The following PHACTR1 variants were observed in gnomAD, a reference collection of about 807,000 sequenced individuals.
PHACTR1 encodes the protein RPEL repeat containing 1.
A neutral mutation model predicts 69.2 loss-of-function variants in PHACTR1; 16 were observed. That is an observed-to-expected ratio of 0.23 (90% confidence interval 0.16 to 0.35). The LOEUF (loss-of-function observed/expected upper bound fraction) is 0.35. Ranked by LOEUF, PHACTR1 falls within the 10% of genes least tolerant of loss-of-function variation. The probability of loss-of-function intolerance (pLI) is 1.00; values close to 1 mark genes in which losing one functional copy is unlikely to be tolerated. For synonymous variants in PHACTR1, 312 were observed against 284.5 expected, an observed-to-expected ratio of 1.10 and a Z score of -0.97; for missense variants, 510 against 734.7, an observed-to-expected ratio of 0.69 and a Z score of 3.54.
At chr6:13,226,442 C>T (rs574920525) in intron 8 of PHACTR1, among the ~76,000 whole-genome samples, 2 of 152,150 alleles carry the variant, frequency 1.3e-5, no homozygotes, top group Non-Finnish European at 2.9e-5. Context: ...CCTCATGCTC[C>T]ATTTCCTTAG....
intron 13 of PHACTR1, among the ~76,000 whole-genome samples, chr6:13,285,219 G>A (rs1158621136): frequency 2.0e-5 from 3 of 152,186 alleles, no homozygotes; most frequent in African/African-American, 7.2e-5. Flanking sequence ...GGCTGTTGGG[G>A]ACAGAAGACA....
At chr6:13,105,237 A>G (rs977145998) in intron 5 of PHACTR1, among the ~76,000 whole-genome samples, 43 of 152,242 alleles carry the variant, frequency 2.8e-4, no homozygotes, top group Non-Finnish European at 5.7e-4. Context: ...AAATTAGCCG[A>G]GCATGGTGAT....
At chr6:12,845,678 C>T (rs1779190858) in intron 4 of PHACTR1, among the ~76,000 whole-genome samples, 1 of 152,130 alleles carries the variant, frequency 6.6e-6, no homozygotes. Flanking sequence ...GCTTCCTGCA[C>T]ATCTGAGTGC....
intron 4 of PHACTR1, among the ~76,000 whole-genome samples, chr6:12,820,013 A>G (rs1776024254): frequency 6.6e-6 from 1 of 152,216 alleles, no homozygotes; most frequent in Non-Finnish European, 1.5e-5. Context: ...ACACCCTAGC[A>G]GCACTTGATT....
intron 10 of PHACTR1, chr6:13,272,402 A>G (rs1041240760): frequency 3.2e-4 from 55 of 170,232 alleles, no homozygotes; most frequent in African/African-American, 1.3e-3. Context: ...ACATTCTCTC[A>G]CATGTCCCCG....
chr6:13,115,267 T>C (rs570381270), intron 5 of PHACTR1, among the ~76,000 whole-genome samples: 15 of 152,288 alleles, frequency 9.8e-5, no homozygotes, highest in African/African-American at 3.6e-4. Flanking sequence ...GACTTACATA[T>C]CTCTGATTTT....
chr6:12,871,952 ATT>A (rs5874391), intron 4 of PHACTR1, among the ~76,000 whole-genome samples: 23 of 151,112 alleles, frequency 1.5e-4, no homozygotes, highest in Middle Eastern at 3.4e-3. Flanking sequence ...CATGTGATGG[ATT>A]TTTTTTTTCC....
intron 4 of PHACTR1, among the ~76,000 whole-genome samples, chr6:12,880,333 C>A (rs1392222101): frequency 1.3e-5 from 2 of 151,564 alleles, no homozygotes; most frequent in South Asian, 2.1e-4. Flanking sequence ...CTCAAACGAT[C>A]CTCCCACTTC....
At chr6:13,145,356 T>A (rs903357868) in intron 5 of PHACTR1, among the ~76,000 whole-genome samples, 1 of 152,382 alleles carries the variant, frequency 6.6e-6, no homozygotes, top group African/African-American at 2.4e-5. Flanking sequence ...TTTCCTAAAG[T>A]AGGAGAGTGC....
Position 13,230,210 on chromosome 6 carries a change from C to G in PHACTR1, c.1391+17C>G. On this transcript the variant is annotated intron_variant, in intron 10 of 14. Coordinates refer to ENST00000332995, the MANE Select transcript of PHACTR1 (RefSeq NM_030948.6). ...GCTCACCAGGTAGGACAGCGGCACCCTCTGCCTCCCTGGCAGTGGGCCTTT... is the reference window on the plus strand; with the variant it reads ...GCTCACCAGGTAGGACAGCGGCACCGTCTGCCTCCCTGGCAGTGGGCCTTT... 3 of 1,599,400 alleles carry G rather than the reference C, an allele frequency of 1.9e-6. No individual in the cohort carries two copies. Among genetic ancestry groups the G allele is most frequent in the Non-Finnish European group, 2.6e-6 (3 of 1,173,368 alleles).
At chr6:13,011,744 A>G (rs1228147905) in intron 4 of PHACTR1, among the ~76,000 whole-genome samples, 1 of 152,254 alleles carries the variant, frequency 6.6e-6, no homozygotes, top group Non-Finnish European at 1.5e-5. Context: ...TTACGGAAAC[A>G]TGTAATTTGC....
intron 5 of PHACTR1, among the ~76,000 whole-genome samples, chr6:13,136,510 A>G (rs1439236249): frequency 6.6e-6 from 1 of 152,244 alleles, no homozygotes; most frequent in African/African-American, 2.4e-5. Flanking sequence ...CCATATCAGC[A>G]ACAAGGCTGT....
At chr6:13,259,753 C>T (rs560995452) in intron 10 of PHACTR1, among the ~76,000 whole-genome samples, 76 of 152,226 alleles carry the variant, frequency 5.0e-4, no homozygotes, top group African/African-American at 1.5e-3. Context: ...GGCCAGGATG[C>T]GGGCCTCAGG....
chr6:13,060,537 A>G (rs1436100625), intron 5 of PHACTR1, among the ~76,000 whole-genome samples: 1 of 152,132 alleles, frequency 6.6e-6, no homozygotes, highest in African/African-American at 2.4e-5. Context: ...GGGTGCTGAG[A>G]AGTGAGGAGT....
At position 13,107,526 on chromosome 6, in the gene PHACTR1, A is replaced by C. The variant is rs117702588; in HGVS notation, c.416-52678A>C. On this transcript the variant is annotated intron_variant, in intron 5 of 14. Coordinates refer to ENST00000332995, the MANE Select transcript of PHACTR1 (RefSeq NM_030948.6). ...GAGTATTCTTTGTGGGAAGGGTTTC[A>C]ATTTCAATGTCACTATCTTTAATAG... 2.3e-4 allele frequency among the ~76,000 whole-genome samples: 35 copies of C among 152,322 alleles called. No homozygotes were observed. The East Asian group carries it at 5.6e-3, about 24-fold the overall frequency.
At chr6:13,048,558 G>A (rs1805453127) in intron 4 of PHACTR1, among the ~76,000 whole-genome samples, 1 of 151,126 alleles carries the variant, frequency 6.6e-6, no homozygotes, top group Non-Finnish European at 1.5e-5. Flanking sequence ...GTGTGTGATG[G>A]AGTTTCACTT....
intron 4 of PHACTR1, among the ~76,000 whole-genome samples, chr6:12,939,034 G>A (rs915767498): frequency 1.3e-5 from 2 of 152,032 alleles, no homozygotes; most frequent in South Asian, 4.1e-4. Flanking sequence ...ACAAATCTTG[G>A]TATCAAGCCC....
Position 13,160,275 on chromosome 6 carries a change from T to C in PHACTR1, c.487T>C (p.Tyr163His), listed in dbSNP as rs879236130. 3.1e-6 allele frequency: 5 copies of C among 1,613,348 alleles called. No individual in the cohort carries two copies. In the South Asian group the frequency reaches 4.4e-5, roughly 14 times the overall value. ...LIKRGVLKEI[Y>H]DKDGELSISN... Reference sequence around the variant, plus strand: ...AAAGCGAGGAGTCCTGAAGGAAATCTATGATAAAGGTAAGGAGGATTGGTC... The same window carrying C: ...AAAGCGAGGAGTCCTGAAGGAAATCCATGATAAAGGTAAGGAGGATTGGTC... Residue 163 changes from tyrosine (Y) to histidine (H), a missense_variant, in exon 6 of 15, where the codon TAT becomes CAT. Coordinates refer to ENST00000332995, the MANE Select transcript of PHACTR1 (RefSeq NM_030948.6).
intron 4 of PHACTR1, among the ~76,000 whole-genome samples, chr6:12,838,635 A>G (rs1474063248): frequency 6.6e-6 from 1 of 152,194 alleles, no homozygotes. Flanking sequence ...TTTTAATGCC[A>G]TTTTGTTGGA....
Sources: allele counts gnomAD v4.1 joint callset (sites outside exome capture counted in the v4.1 genomes callset), GRCh38; gene constraint gnomAD v4.1.1; transcripts MANE v1.5; gene names NCBI Gene and HGNC (gene_info 2026-07-23, HGNC 2026-07-21).